Variants in STK3 observed in about 807,000 individuals in gnomAD.
The protein encoded by STK3 is serine/threonine-protein kinase 3.
STK3 carries 41 observed loss-of-function variants against 58.0 expected under a neutral mutation model. The ratio of observed to expected loss-of-function variants is 0.71; its 90% confidence interval spans 0.55 to 0.92. STK3 has a LOEUF of 0.92. Ranked by LOEUF, STK3 falls within the 40% of genes least tolerant of loss-of-function variation. The pLI, the probability that STK3 is intolerant of heterozygous loss-of-function variation, is 0.00. For synonymous variants in STK3, 170 were observed against 191.0 expected, an observed-to-expected ratio of 0.89 and a Z score of 0.91; for missense variants, 479 against 602.7, an observed-to-expected ratio of 0.79 and a Z score of 2.15.
intron 6 of STK3, among the ~76,000 whole-genome samples, chr8:98,632,937 C>T (rs1035382246): frequency 6.6e-6 from 1 of 151,904 alleles, no homozygotes; most frequent in Non-Finnish European, 1.5e-5. Flanking sequence ...AATTATGTAC[C>T]CCAAATTTGT....
Position 98,808,453 on chromosome 8 carries a change from T to G in STK3, c.26+17062A>C, listed in dbSNP as rs574479069. Among the ~76,000 whole-genome samples the G allele has an allele frequency of 2.6e-5, 4 of 152,358 alleles. No homozygotes were observed. In the East Asian group the frequency reaches 7.7e-4, roughly 29 times the overall value. On this transcript the variant is annotated intron_variant, in intron 1 of 10. Transcript: ENST00000419617. The stretch of plus-strand genomic sequence containing the variant: ...TGCAAGTTTGTGGACAGGTTGTAAC[T>G]TCTGCTAAGGATGTCTCTTCAGTTT...
At chr8:98,881,318 A>C (rs765613192), downstream of STK3, 1 of 152,226 alleles carries the variant, frequency 6.6e-6, no homozygotes, top group Non-Finnish European at 1.5e-5. Context: ...ACATTCTGGA[A>C]AAGGCAAAAC....
intron 1 of STK3, among the ~76,000 whole-genome samples, chr8:98,822,490 G>T (rs1341525988): frequency 1.3e-5 from 2 of 151,674 alleles, no homozygotes; most frequent in Non-Finnish European, 2.9e-5. Context: ...ATTATCTTCT[G>T]GATATCTAAA....
intron 3 of STK3, among the ~76,000 whole-genome samples, chr8:98,858,582 G>A (rs1028516737): frequency 5.3e-5 from 8 of 151,320 alleles, no homozygotes; most frequent in African/African-American, 1.9e-4. Context: ...GATAGTGGGA[G>A]GGGTCAAGCC....
At position 98,800,874 on chromosome 8, in the gene STK3, C is replaced by A. The variant is rs1210895718; in HGVS notation, c.26+24641G>T. Reference sequence around the variant, plus strand: ...CCCCCCATGCCAGAGCCCCCCCCACCAAGGTGGGCTCCCGTGCAGCCGGAG... The same window carrying A: ...CCCCCCATGCCAGAGCCCCCCCCACAAAGGTGGGCTCCCGTGCAGCCGGAG... On this transcript the variant is annotated intron_variant, in intron 1 of 10. Transcript: ENST00000419617. The surrounding 1 kb of genome is among the most constrained non-coding windows in gnomAD (Gnocchi z 4.8). 6.6e-6 allele frequency among the ~76,000 whole-genome samples: 1 copy of A among 152,238 alleles called. No individual in the cohort carries two copies. Among genetic ancestry groups the A allele is most frequent in the East Asian group, 1.9e-4 (1 of 5,196 alleles).
intron 2 of STK3, among the ~76,000 whole-genome samples, chr8:98,372,305 T>C (rs895707300): frequency 2.0e-5 from 3 of 152,166 alleles, no homozygotes; most frequent in Admixed American, 6.5e-5. Flanking sequence ...TAAGGAACCC[T>C]GGGAAACTAA....
intron 7 of STK3, among the ~76,000 whole-genome samples, chr8:98,586,020 T>G (rs947019536): frequency 6.6e-6 from 1 of 152,214 alleles, no homozygotes; most frequent in Non-Finnish European, 1.5e-5. Context: ...GTTTTCTAGA[T>G]ATACAATCAT....
intron 1 of STK3, among the ~76,000 whole-genome samples, chr8:98,789,050 A>G (rs1393848214): frequency 6.6e-6 from 1 of 152,250 alleles, no homozygotes; most frequent in Non-Finnish European, 1.5e-5. Context: ...AACTGAAATA[A>G]TATCAAGTAC....
intron 2 of STK3, among the ~76,000 whole-genome samples, chr8:98,770,649 C>T (rs1831253654): frequency 6.6e-6 from 1 of 152,160 alleles, no homozygotes; most frequent in Non-Finnish European, 1.5e-5. Context: ...TTATAAGTGC[C>T]ATGCTCACAT....
chr8:98,638,922 T>G (rs1358341462), intron 6 of STK3, among the ~76,000 whole-genome samples: 2 of 152,140 alleles, frequency 1.3e-5, no homozygotes, highest in African/African-American at 4.8e-5. Context: ...GTAATTACTA[T>G]TTAGACAAGG....
Position 98,501,000 on chromosome 8 carries a change from G to A in STK3, c.1317+25742C>T, listed in dbSNP as rs145990493. Among the ~76,000 whole-genome samples, 1,457 of 152,214 alleles carry A rather than the reference G, an allele frequency of 9.6e-3. 26 individuals are homozygous for A. The highest frequency in any genetic ancestry group is 0.033 in the African/African-American group (1,377 of 41,540). ...GAATCGCCACACTGTCTTCCACAAT[G>A]GTTGAACTAGTTTACACTCCCAGCA... On this transcript the variant is annotated intron_variant, in intron 10 of 10. Transcript: ENST00000419617.
At chr8:98,677,463 C>A (rs1823311394) in intron 6 of STK3, among the ~76,000 whole-genome samples, 1 of 151,580 alleles carries the variant, frequency 6.6e-6, no homozygotes, top group Non-Finnish European at 1.5e-5. Context: ...TAACCATGAC[C>A]TCCAATCTGA....
intron 6 of STK3, chr8:98,633,722 A>C (rs1819427467): frequency 1.5e-6 from 1 of 666,082 alleles, no homozygotes; most frequent in Non-Finnish European, 2.8e-6. Flanking sequence ...CATCTGGAGG[A>C]TCTGTTGATA....
At chr8:98,676,617 A>C (rs1475351391) in intron 6 of STK3, among the ~76,000 whole-genome samples, 1 of 151,822 alleles carries the variant, frequency 6.6e-6, no homozygotes, top group Non-Finnish European at 1.5e-5. Flanking sequence ...CTATCTTTAA[A>C]AAAAAAAAAA....
At chr8:98,588,286 C>T (rs1036336023) in intron 7 of STK3, among the ~76,000 whole-genome samples, 5 of 151,830 alleles carry the variant, frequency 3.3e-5, no homozygotes, top group Non-Finnish European at 7.4e-5. Flanking sequence ...TCTTTTAGGG[C>T]AGGCCTGGTG....
chr8:98,601,214 A>G (rs1234949479), intron 6 of STK3, among the ~76,000 whole-genome samples: 4 of 152,076 alleles, frequency 2.6e-5, no homozygotes, highest in Non-Finnish European at 1.5e-5. Context: ...GTATTTAAAA[A>G]TTATACTCGC....
chr8:98,786,315 C>T (rs866486842), intron 1 of STK3, among the ~76,000 whole-genome samples: 2 of 152,074 alleles, frequency 1.3e-5, no homozygotes, highest in Non-Finnish European at 1.5e-5. Context: ...AGGAGGCTGA[C>T]GTAGGAAGAC....
At chr8:98,454,602 T>C (rs1483391521), downstream of STK3, 1 of 152,534 alleles carries the variant, frequency 6.6e-6, no homozygotes, top group Non-Finnish European at 1.5e-5. Context: ...GTCCAGGTCA[T>C]GAGTTTTAAC....
intron 8 of STK3, among the ~76,000 whole-genome samples, chr8:98,578,645 C>G (rs1040033376): frequency 2.6e-5 from 4 of 152,120 alleles, no homozygotes; most frequent in Non-Finnish European, 5.9e-5. Flanking sequence ...CATTTGTATA[C>G]AGAAACTGTA....
Sources: gnomAD v4.1 joint callset for allele counts (sites outside exome capture counted in the v4.1 genomes callset) on GRCh38, gnomAD v4.1.1 for gene constraint, Gnocchi (gnomAD v3.1) non-coding constraint, MANE v1.5 for transcripts, NCBI Gene and HGNC (gene_info 2026-07-23, HGNC 2026-07-21) for gene names.